The following LIMCH1 variants were observed in gnomAD, a reference collection of about 807,000 sequenced individuals.
LIMCH1 encodes the protein LIM and calponin homology domains-containing protein 1.
A neutral mutation model predicts 176.5 loss-of-function variants in LIMCH1; 113 were observed. That is an observed-to-expected ratio of 0.64 (90% CI 0.55 to 0.75). The LOEUF is 0.75. Ranked by LOEUF, LIMCH1 falls within the 30% of genes least tolerant of loss-of-function variation. The pLI is 0.00. For missense variants in LIMCH1, 1,674 were observed against 1,814.9 expected (o/e 0.92, Z 1.41); for synonymous variants, 619 against 645.9 (o/e 0.96, Z 0.63).
intron 5 of LIMCH1, among the ~76,000 whole-genome samples, chr4:41,617,382 G>C (rs956119756): frequency 2.0e-5 from 3 of 152,154 alleles, no homozygotes; most frequent in Admixed American, 1.3e-4. Flanking sequence ...GGTTCCTACA[G>C]TGTCTCTGAG....
intron 30 of LIMCH1, 155 bp downstream of exon 30, chr4:41,689,790 C>G (rs867309810): frequency 1.8e-6 from 1 of 541,474 alleles, no homozygotes; most frequent in Non-Finnish European, 3.4e-6. Flanking sequence ...TGAAACTCAC[C>G]TATCACGAAT....
intron 13 of LIMCH1, among the ~76,000 whole-genome samples, chr4:41,634,852 A>G (rs1290313109): frequency 6.6e-6 from 1 of 152,190 alleles, no homozygotes; most frequent in Non-Finnish European, 1.5e-5. Context: ...GCTGGTTAGG[A>G]CTGGGAAGAC....
At position 41,667,923 on chromosome 4, in the gene LIMCH1, G is replaced by A. The variant is rs2094885363; in HGVS notation, c.3397+1257G>A. On this transcript the variant is annotated intron_variant, in intron 21 of 31. Coordinates refer to ENST00000503057, the MANE Select transcript of LIMCH1 (RefSeq NM_001330672.2). ...GAGGCAGGAGGAGCACTTGAGGCCA[G>A]CAGTTGAGACCAGCCTGTGCAACAT... Among the ~76,000 whole-genome samples the A allele has an allele frequency of 1.3e-5, 2 of 151,004 alleles. 1 individual carries two copies. Among genetic ancestry groups the A allele is most frequent in the Admixed American group, 1.3e-4 (2 of 15,154 alleles).
intron 18 of LIMCH1, among the ~76,000 whole-genome samples, chr4:41,651,715 T>G (rs2094305096): frequency 2.6e-5 from 4 of 152,202 alleles, no homozygotes; most frequent in Admixed American, 6.5e-5. Flanking sequence ...TTCTTATTAG[T>G]TAAAGAAACA....
chr4:41,695,816 T>C (rs1424619134), intron 31 of LIMCH1, among the ~76,000 whole-genome samples: 2 of 152,088 alleles, frequency 1.3e-5, no homozygotes, highest in African/African-American at 4.8e-5. Flanking sequence ...AAATATACCT[T>C]AGGAATGAAT....
intron 1 of LIMCH1, chr4:41,473,191 G>A (rs929040023): frequency 1.6e-5 from 16 of 985,166 alleles, no homozygotes; most frequent in Non-Finnish European, 1.9e-5. Flanking sequence ...GTGAGAAGAG[G>A]AAAGGTGTGT....
chr4:41,402,839 G>T (rs1194306842), intron 1 of LIMCH1, among the ~76,000 whole-genome samples: 1 of 125,906 alleles, frequency 7.9e-6, no homozygotes, highest in Non-Finnish European at 1.6e-5. Flanking sequence ...GGTGGGGGGA[G>T]GGGGGAGGAA....
chr4:41,564,853 G>A (rs1445517291), intron 1 of LIMCH1, among the ~76,000 whole-genome samples: 2 of 152,052 alleles, frequency 1.3e-5, no homozygotes, highest in African/African-American at 2.4e-5. Flanking sequence ...GAGTTGTCAC[G>A]AGATCTTATG....
chr4:41,503,919 C>G (rs1280008298), intron 2 of LIMCH1, among the ~76,000 whole-genome samples: 1 of 152,168 alleles, frequency 6.6e-6, no homozygotes, highest in Non-Finnish European at 1.5e-5. Context: ...TCTGATGTGG[C>G]TGCCACGTTT....
At chr4:41,378,853 A>G (rs917389594) in intron 1 of LIMCH1, among the ~76,000 whole-genome samples, 1 of 152,196 alleles carries the variant, frequency 6.6e-6, no homozygotes, top group Admixed American at 6.5e-5. Flanking sequence ...AGACTTGGAC[A>G]TATTAGAAGG....
intron 1 of LIMCH1, among the ~76,000 whole-genome samples, chr4:41,363,288 G>T (rs1431646789): frequency 2.0e-5 from 3 of 152,176 alleles, no homozygotes; most frequent in South Asian, 2.1e-4. Context: ...CGGGTGGGGG[G>T]GCGGATTGGG....
chr4:41,366,591 T>G (rs932632422), intron 1 of LIMCH1, among the ~76,000 whole-genome samples: 24 of 152,292 alleles, frequency 1.6e-4, no homozygotes, highest in African/African-American at 5.3e-4. Context: ...ATAATAGAAC[T>G]TTGGTTTTAA....
chr4:41,368,443 C>T (rs1047156680), intron 1 of LIMCH1, among the ~76,000 whole-genome samples: 7 of 151,938 alleles, frequency 4.6e-5, no homozygotes, highest in South Asian at 2.1e-4. Flanking sequence ...TATATAATTA[C>T]GATTTGGAAT....
At chr4:41,540,812 A>C (rs546375121) in intron 1 of LIMCH1, among the ~76,000 whole-genome samples, 1 of 152,326 alleles carries the variant, frequency 6.6e-6, no homozygotes, top group Admixed American at 6.5e-5. Context: ...CCAGGTACTA[A>C]CCATATTCAG....
At chr4:41,676,319 T>C in intron 22 of LIMCH1, 63 bp from the exon 23 acceptor site, 1 of 1,354,774 alleles carries the variant, frequency 7.4e-7, no homozygotes, top group Non-Finnish European at 1.0e-6. Context: ...TGTCTACTCT[T>C]CACCCGGCCT....
At chr4:41,513,780 G>A (rs542012597) in intron 2 of LIMCH1, among the ~76,000 whole-genome samples, 5 of 152,000 alleles carry the variant, frequency 3.3e-5, no homozygotes, top group South Asian at 2.1e-4. Flanking sequence ...CAAGGCGGGC[G>A]GATCACCTGA....
intron 2 of LIMCH1, among the ~76,000 whole-genome samples, chr4:41,602,815 A>C (rs1179289228): frequency 2.0e-5 from 3 of 151,918 alleles, no homozygotes; most frequent in Admixed American, 2.0e-4. Flanking sequence ...TCAAAACAAC[A>C]ACAACAACAA....
At chr4:41,600,265 T>C in intron 2 of LIMCH1, among the ~76,000 whole-genome samples, 1 of 152,240 alleles carries the variant, frequency 6.6e-6, no homozygotes, top group Non-Finnish European at 1.5e-5. Flanking sequence ...CTCATCTTGG[T>C]CATCACATGC....
intron 1 of LIMCH1, among the ~76,000 whole-genome samples, chr4:41,592,273 T>C (rs572103833): frequency 6.6e-6 from 1 of 152,342 alleles, no homozygotes; most frequent in Admixed American, 6.5e-5. Context: ...TGAAATAAGC[T>C]TTTCTGGCCT....
Sources: gnomAD v4.1 joint callset for allele counts (sites outside exome capture counted in the v4.1 genomes callset) on GRCh38, gnomAD v4.1.1 for gene constraint, MANE v1.5 for transcripts, NCBI Gene and HGNC (gene_info 2026-07-23, HGNC 2026-07-21) for gene names.